Variants in DCC observed in about 807,000 individuals in gnomAD.
DCC encodes the protein DCC netrin 1 receptor.
In DCC, 58 loss-of-function variants were observed where a neutral mutation model predicts 172.5. The ratio of observed to expected loss-of-function variants is 0.34; its 90% CI spans 0.27 to 0.42. DCC has a LOEUF of 0.42. Among genes scored for constraint, DCC ranks in the 10% least tolerant of loss-of-function variants. DCC has a pLI of 1.00. For synonymous variants in DCC, 709 were observed against 644.5 expected (o/e 1.10, Z -1.52); for missense variants, 1,740 against 1,791.0 (o/e 0.97, Z 0.51).
At chr18:52,673,933 A>C (rs572428073) in intron 1 of DCC, among the ~76,000 whole-genome samples, 3 of 152,296 alleles carry the variant, frequency 2.0e-5, no homozygotes, top group African/African-American at 7.2e-5. Context: ...GCTTGGCTAC[A>C]ATAGCAATGG....
chr18:52,645,827 C>A (rs2144912546), intron 1 of DCC, among the ~76,000 whole-genome samples: 1 of 152,256 alleles, frequency 6.6e-6, no homozygotes, highest in East Asian at 1.9e-4. Context: ...AATAGCAACA[C>A]TTTTAAAATA....
rs192280353 is a variant in DCC at position 52,976,694 on chromosome 18, A to C, written c.985+51324A>C. Reference sequence around the variant, plus strand: ...ATTTTCCAGTCTGACTCCAGTTGTAAAATAAAACATTAGCCCAATGGTTTC... The same window carrying C: ...ATTTTCCAGTCTGACTCCAGTTGTACAATAAAACATTAGCCCAATGGTTTC... On this transcript the variant is annotated intron_variant, in intron 5 of 28. Transcript: ENST00000442544. Among the ~76,000 whole-genome samples the C allele has an allele frequency of 3.1e-3, 470 of 152,334 alleles. 2 individuals carry two copies. The Middle Eastern group carries it at 0.041, about 13-fold the overall frequency.
intron 12 of DCC, among the ~76,000 whole-genome samples, chr18:53,260,342 C>T (rs2056579868): frequency 6.6e-6 from 1 of 151,934 alleles, no homozygotes; most frequent in African/African-American, 2.4e-5. Context: ...TTTTATCTAC[C>T]TTTGGTCTTT....
intron 23 of DCC, among the ~76,000 whole-genome samples, chr18:53,457,711 A>G (rs2045500837): frequency 6.6e-6 from 1 of 152,194 alleles, no homozygotes; most frequent in African/African-American, 2.4e-5. Context: ...TCAGTGAGTT[A>G]TTATCTTAGA....
chr18:52,475,831 C>T (rs542535253), intron 1 of DCC, among the ~76,000 whole-genome samples: 2 of 152,258 alleles, frequency 1.3e-5, no homozygotes, highest in East Asian at 1.9e-4. Context: ...AGATTATTTG[C>T]TATTACCCCA....
chr18:52,418,977 C>T (rs1313776688), intron 1 of DCC, among the ~76,000 whole-genome samples: 1 of 150,804 alleles, frequency 6.6e-6, no homozygotes, highest in Non-Finnish European at 1.5e-5. Flanking sequence ...TCTCCTGCCT[C>T]AGCCTCCCCA....
At chr18:52,462,114 A>G (rs1186969593) in intron 1 of DCC, among the ~76,000 whole-genome samples, 2 of 152,160 alleles carry the variant, frequency 1.3e-5, no homozygotes, top group Non-Finnish European at 2.9e-5. Context: ...ACTGCTTGTC[A>G]GGATTTGTCC....
chr18:52,919,638 T>C (rs1021164435), intron 3 of DCC, among the ~76,000 whole-genome samples: 12 of 151,304 alleles, frequency 7.9e-5, no homozygotes, highest in African/African-American at 2.4e-4. Flanking sequence ...GATGGTTCTT[T>C]TTTTTTTTGG....
intron 14 of DCC, among the ~76,000 whole-genome samples, chr18:53,328,516 G>A (rs1003129387): frequency 1.6e-4 from 25 of 152,000 alleles, no homozygotes; most frequent in African/African-American, 6.0e-4. Flanking sequence ...CTCAGACTTT[G>A]ACTGTTGTGT....
chr18:53,453,730 A>G (rs1036287741), intron 23 of DCC, among the ~76,000 whole-genome samples: 1 of 152,212 alleles, frequency 6.6e-6, no homozygotes. Context: ...TAAACTAATC[A>G]TATCACCTAA....
chr18:52,403,144 G>A (rs1239557659), intron 1 of DCC, among the ~76,000 whole-genome samples: 1 of 151,982 alleles, frequency 6.6e-6, no homozygotes, highest in East Asian at 1.9e-4. Context: ...TCAGGCAAAA[G>A]CTTTGCCTAT....
intron 1 of DCC, among the ~76,000 whole-genome samples, chr18:52,694,011 CAG>C (rs970458506): frequency 6.6e-6 from 1 of 152,006 alleles, no homozygotes; most frequent in Non-Finnish European, 1.5e-5. Flanking sequence ...AAAACAGTAA[CAG>C]AACACCCCAG....
At chr18:53,258,158 A>G (rs1407660247) in intron 12 of DCC, among the ~76,000 whole-genome samples, 2 of 152,068 alleles carry the variant, frequency 1.3e-5, no homozygotes, top group African/African-American at 2.4e-5. Flanking sequence ...TTTTCAAAAA[A>G]CCAGCTCCTG....
At chr18:53,160,001 T>C (rs1307109098) in intron 8 of DCC, among the ~76,000 whole-genome samples, 1 of 151,852 alleles carries the variant, frequency 6.6e-6, no homozygotes, top group African/African-American at 2.4e-5. Flanking sequence ...AGGCTCAAAG[T>C]ATAGGAAGAA....
At chr18:53,319,145 C>T (rs2057378061) in intron 13 of DCC, among the ~76,000 whole-genome samples, 1 of 152,086 alleles carries the variant, frequency 6.6e-6, no homozygotes, top group Non-Finnish European at 1.5e-5. Context: ...CTGGTACTAG[C>T]CACTGCAAAA....
intron 1 of DCC, among the ~76,000 whole-genome samples, chr18:52,635,644 G>A (rs772257240): frequency 5.3e-5 from 8 of 152,014 alleles, no homozygotes; most frequent in Non-Finnish European, 1.2e-4. Flanking sequence ...CATAAGAATC[G>A]AGTCTTTATT....
Position 52,836,452 on chromosome 18 carries a change from G to C in DCC, c.413-69592G>C, listed in dbSNP as rs573735315. Among the ~76,000 whole-genome samples the C allele has an allele frequency of 4.6e-5, 7 of 152,302 alleles. No individual in the cohort carries two copies. In the East Asian group the frequency reaches 7.7e-4, roughly 17 times the overall value. ...TCAAAAGCAAGTTGGTTACTTCCTA[G>C]ATACAATGTGGGTACAGGCATTGGG... On this transcript the variant is annotated intron_variant, in intron 2 of 28. Transcript: ENST00000442544.
chr18:52,807,887 C>T (rs1267699988), intron 2 of DCC, among the ~76,000 whole-genome samples: 1 of 151,994 alleles, frequency 6.6e-6, no homozygotes, highest in Admixed American at 6.6e-5. Flanking sequence ...CTCAATCTCT[C>T]CTGGATACAT....
chr18:52,697,755 A>G (rs2036037961), intron 1 of DCC, among the ~76,000 whole-genome samples: 1 of 152,228 alleles, frequency 6.6e-6, no homozygotes, highest in Non-Finnish European at 1.5e-5. Flanking sequence ...TCTAAACATA[A>G]AAGTGAATAT....
Sources: gnomAD v4.1 joint callset for allele counts (sites outside exome capture counted in the v4.1 genomes callset) on GRCh38, gnomAD v4.1.1 for gene constraint, MANE v1.5 for transcripts, NCBI Gene and HGNC (gene_info 2026-07-23, HGNC 2026-07-21) for gene names.